C3orf20: variants seen among roughly 807,000 people sequenced by gnomAD.
C3orf20 encodes family with sequence similarity 149 member C.
Under a neutral mutation model 88.3 loss-of-function variants are expected in C3orf20, and 76 were observed. The observed-to-expected ratio is 0.86, with a 90% CI of 0.72 to 1.04. The LOEUF (loss-of-function observed/expected upper bound fraction) is 1.04. Ranked by LOEUF, C3orf20 falls within the 50% of genes least tolerant of loss-of-function variation. The probability of loss-of-function intolerance (pLI) is 0.00; values close to 1 mark genes in which losing one functional copy is unlikely to be tolerated. For synonymous variants in C3orf20, 436 were observed against 437.4 expected (o/e 1.00, Z 0.04); for missense variants, 1,056 against 1,123.3 (o/e 0.94, Z 0.86).
intron 7 of C3orf20, among the ~76,000 whole-genome samples, chr3:14,710,556 T>C (rs903352912): frequency 2.0e-5 from 3 of 152,226 alleles, no homozygotes; most frequent in African/African-American, 7.2e-5. Flanking sequence ...TTGTTTTCAT[T>C]CATTTCAAAG....
rs1475781192 is a variant in C3orf20, at chr3:14,768,863, A to T, written c.2496-3204A>T. On this transcript the variant is annotated intron_variant, in intron 15 of 16. Transcript: ENST00000253697. The surrounding 1 kb of genome is among the most constrained non-coding windows in gnomAD (Gnocchi z 4.1). ...GGACTGGCCTGTTGCAAAGCCCCCG[A>T]TGGTCTTTTTTGCTTATCCCTGACC... Among the ~76,000 whole-genome samples the T allele has an allele frequency of 6.6e-6, 1 of 151,894 alleles. No homozygotes were observed. The highest frequency in any genetic ancestry group is 1.5e-5 in the Non-Finnish European group (1 of 67,976).
At chr3:14,697,918 A>G (rs1270072094) in intron 5 of C3orf20, among the ~76,000 whole-genome samples, 1 of 152,136 alleles carries the variant, frequency 6.6e-6, no homozygotes, top group Admixed American at 6.5e-5. Context: ...ATAGTATTCC[A>G]TGATGTATAT....
At chr3:14,758,149 G>A (rs1001873635) in intron 13 of C3orf20, among the ~76,000 whole-genome samples, 1 of 152,190 alleles carries the variant, frequency 6.6e-6, no homozygotes, top group Non-Finnish European at 1.5e-5. Flanking sequence ...TCCCAGTGTG[G>A]CAGCAACTCC....
At chr3:14,754,967 C>T (rs889975495) in intron 12 of C3orf20, among the ~76,000 whole-genome samples, 2 of 152,152 alleles carry the variant, frequency 1.3e-5, no homozygotes. Flanking sequence ...TCAAGTGATC[C>T]TCCTGCCTCA....
intron 4 of C3orf20, among the ~76,000 whole-genome samples, chr3:14,685,995 GGGACAAC>G (rs2032406422): frequency 6.6e-6 from 1 of 151,840 alleles, no homozygotes; most frequent in Non-Finnish European, 1.5e-5. Context: ...CCGAGTAGCT[GGGACAAC>G]AGGTGTGTGC....
At position 14,742,530 on chromosome 3, in the gene C3orf20, C is replaced by T. The variant is rs116178047; in HGVS notation, c.1940+13842C>T. 2.5e-3 allele frequency among the ~76,000 whole-genome samples: 374 copies of T among 152,262 alleles called. 2 individuals carry two copies. Among genetic ancestry groups the T allele is most frequent in the South Asian group, 3.9e-3 (19 of 4,820 alleles). On this transcript the variant is annotated intron_variant, in intron 12 of 16. Coordinates refer to ENST00000253697, the MANE Select transcript of C3orf20 (RefSeq NM_032137.5). ...CTCCTTTGATCTTAGAGCAATGTCT[C>T]CTCACTTCATAGAACCTAGTCCTAA... is the stretch of plus-strand genomic sequence containing the variant.
intron 12 of C3orf20, among the ~76,000 whole-genome samples, chr3:14,731,088 A>G (rs906778501): frequency 6.6e-6 from 1 of 152,052 alleles, no homozygotes; most frequent in East Asian, 1.9e-4. Context: ...GGACGATTCC[A>G]TCACCCCCCA....
Position 14,728,506 on chromosome 3 carries a change from C to T in C3orf20, c.1758C>T (p.Ser586=). 6.2e-7 allele frequency: 1 copy of T among 1,614,096 alleles called. No homozygotes were observed. Among genetic ancestry groups the T allele is most frequent in the Non-Finnish European group, 8.5e-7 (1 of 1,179,948 alleles). The change falls in exon 12 of 17, where the codon TCC becomes TCT. Residue 586 remains serine (S), a synonymous_variant. Coordinates refer to ENST00000253697, the MANE Select transcript of C3orf20 (RefSeq NM_032137.5). Reference sequence around the variant, plus strand: ...AATTTGTTCGGTTCAAGATGAGATCCAGAACTCATCCCGAGCGGCTCCCCA... The same window carrying T: ...AATTTGTTCGGTTCAAGATGAGATCTAGAACTCATCCCGAGCGGCTCCCCA... The part of the protein sequence containing the change: ...EEEFVRFKMR[S]RTHPERLPKL...
At chr3:14,727,143 A>G in intron 11 of C3orf20, 119 bp downstream of exon 11, 2 of 1,194,054 alleles carry the variant, frequency 1.7e-6, no homozygotes, top group Non-Finnish European at 2.4e-6. Flanking sequence ...TTCAGTCTGA[A>G]TGTCCAGGGA....
chr3:14,739,076 CCACTGTGCCTGGCT>C lies in C3orf20; in HGVS notation c.1940+10392_1940+10405del, dbSNP rs372237384. 8.6e-3 allele frequency among the ~76,000 whole-genome samples: 1,316 copies of C among 152,236 alleles called. 16 individuals are homozygous for C. The highest frequency in any genetic ancestry group is 0.029 in the African/African-American group (1,213 of 41,528). Reference sequence around the variant, plus strand: ...AAAGTGCTGGAATTACAGGCATGAGCCACTGTGCCTGGCTCACAAATATTCTTAATGACATCAAG... The same window carrying C: ...AAAGTGCTGGAATTACAGGCATGAGCCACAAATATTCTTAATGACATCAAG... On this transcript the variant is annotated intron_variant, in intron 12 of 16. Coordinates refer to ENST00000253697, the MANE Select transcript of C3orf20 (RefSeq NM_032137.5).
chr3:14,685,340 G>A (rs1386552472), intron 4 of C3orf20, among the ~76,000 whole-genome samples: 1 of 152,116 alleles, frequency 6.6e-6, no homozygotes, highest in East Asian at 1.9e-4. Flanking sequence ...GAAATTCGAG[G>A]AAGTGATCTC....
At position 14,715,413 on chromosome 3, in the gene C3orf20, G is replaced by C; in HGVS notation, c.1434+4G>C. On this transcript the variant is annotated splice_donor_region_variant and intron_variant, in intron 9 of 16. Coordinates refer to ENST00000253697, the MANE Select transcript of C3orf20 (RefSeq NM_032137.5). Reference sequence around the variant, plus strand: ...CCTGCTTTCCCTGGAATACAAGGTAGGGATGGGCAGCACAGGTTGGGTGGC... The same window carrying C: ...CCTGCTTTCCCTGGAATACAAGGTACGGATGGGCAGCACAGGTTGGGTGGC... The C allele has an allele frequency of 6.2e-7, 1 of 1,610,292 alleles. No individual in the cohort carries two copies. Among genetic ancestry groups the C allele is most frequent in the Non-Finnish European group, 8.5e-7 (1 of 1,178,750 alleles).
At chr3:14,753,549 G>A (rs1183766479) in intron 12 of C3orf20, among the ~76,000 whole-genome samples, 1 of 152,036 alleles carries the variant, frequency 6.6e-6, no homozygotes, top group Non-Finnish European at 1.5e-5. Context: ...CCAATATCTG[G>A]GTTTCCTTGG....
chr3:14,726,875 C>G (rs2034367684), intron 10 of C3orf20, 26 bp from the exon 11 acceptor site: 1 of 1,613,306 alleles, frequency 6.2e-7, no homozygotes, highest in Non-Finnish European at 8.5e-7. Flanking sequence ...ATGGTGACAC[C>G]CGCCCTCCCC....
intron 12 of C3orf20, among the ~76,000 whole-genome samples, chr3:14,755,872 A>G (rs1473500074): frequency 6.6e-6 from 1 of 151,904 alleles, no homozygotes; most frequent in Non-Finnish European, 1.5e-5. Flanking sequence ...TACTAAAAAT[A>G]CAAAAACTTA....
At chr3:14,740,506 T>TTCC in intron 12 of C3orf20, among the ~76,000 whole-genome samples, 1 of 152,266 alleles carries the variant, frequency 6.6e-6, no homozygotes, top group South Asian at 2.1e-4. Flanking sequence ...AATTACCAAA[T>TTCC]GTGACACAGA....
At chr3:14,758,522 C>T (rs1219259152) in intron 13 of C3orf20, among the ~76,000 whole-genome samples, 1 of 152,222 alleles carries the variant, frequency 6.6e-6, no homozygotes, top group Non-Finnish European at 1.5e-5. Context: ...CCCAGACCAA[C>T]TGGAGCAAAG....
At chr3:14,729,179 C>T (rs1488132064) in intron 12 of C3orf20, among the ~76,000 whole-genome samples, 3 of 152,152 alleles carry the variant, frequency 2.0e-5, no homozygotes, top group Admixed American at 1.3e-4. Context: ...TGGCTCTCTA[C>T]AGAAAATGTT....
chr3:14,725,649 A>G (rs1044417228), intron 10 of C3orf20, among the ~76,000 whole-genome samples: 6 of 152,172 alleles, frequency 3.9e-5, no homozygotes, highest in African/African-American at 7.2e-5. Flanking sequence ...TTTGTTGGGG[A>G]CATCCTTTAT....
Sources: gnomAD v4.1 joint callset for allele counts (sites outside exome capture counted in the v4.1 genomes callset) on GRCh38, gnomAD v4.1.1 for gene constraint, Gnocchi (gnomAD v3.1) non-coding constraint, MANE v1.5 for transcripts, NCBI Gene and HGNC (gene_info 2026-07-23, HGNC 2026-07-21) for gene names.